The following WWC1 variants were observed in gnomAD, a reference collection of about 807,000 sequenced individuals.
WWC1 encodes the protein protein KIBRA.
In WWC1, 55 loss-of-function variants were observed where a neutral mutation model predicts 138.4. That is an observed-to-expected ratio of 0.40 (90% confidence interval 0.32 to 0.50). The LOEUF (loss-of-function observed/expected upper bound fraction) is 0.50. Among genes scored for constraint, WWC1 ranks in the 20% least tolerant of loss-of-function variants. The probability of loss-of-function intolerance (pLI) is 0.72; values close to 1 mark genes in which losing one functional copy is unlikely to be tolerated. For missense variants in WWC1, 1,226 were observed against 1,420.4 expected (o/e 0.86, Z 2.20); for synonymous variants, 524 against 564.9 (o/e 0.93, Z 1.03).
intron 1 of WWC1, among the ~76,000 whole-genome samples, chr5:168,360,854 G>A (rs1775829857): frequency 6.6e-6 from 1 of 152,252 alleles, no homozygotes; most frequent in Admixed American, 6.5e-5. Context: ...AGGAGCAGAA[G>A]ATTCTGGAAT....
intron 2 of WWC1, among the ~76,000 whole-genome samples, chr5:168,383,596 G>T (rs1016686777): frequency 6.6e-6 from 1 of 152,174 alleles, no homozygotes; most frequent in South Asian, 2.1e-4. Context: ...TGACAGATGG[G>T]GTGCTGGGAT....
chr5:168,321,275 AG>A lies in WWC1; in HGVS notation c.119+29006del, dbSNP rs1772056635. On this transcript the variant is annotated intron_variant, in intron 1 of 22. Coordinates refer to ENST00000265293, the MANE Select transcript of WWC1 (RefSeq NM_015238.3). ...TTTCCAACTTGGTCTGGGAAGAACC[AG>A]GTTCTTTTTCTAGAGGAGATGCCAT... Among the ~76,000 whole-genome samples the A allele has an allele frequency of 1.3e-5, 2 of 152,150 alleles. 1 individual carries two copies. The highest frequency in any genetic ancestry group is 4.2e-4 in the South Asian group (2 of 4,818).
intron 1 of WWC1, among the ~76,000 whole-genome samples, chr5:168,334,248 A>AC (rs1436187865): frequency 1.3e-5 from 2 of 149,672 alleles, no homozygotes; most frequent in Non-Finnish European, 3.0e-5. Context: ...AACAACAACA[A>AC]AAAACTCTTC....
Position 168,291,933 on chromosome 5 carries a change from C to T in WWC1, c.-220C>T. The T allele has an allele frequency of 3.5e-6, 1 of 283,146 alleles. No homozygotes were observed. The highest frequency in any genetic ancestry group is 6.3e-6 in the Non-Finnish European group (1 of 159,898). 17.5% of individuals were successfully genotyped at this position (283,146 alleles called of 1,614,324 possible). On this transcript the variant is annotated 5_prime_UTR_variant, in exon 1 of 23. Coordinates refer to ENST00000265293, the MANE Select transcript of WWC1 (RefSeq NM_015238.3). ...GGACGCACATGGCAGCGTGAGAGGC[C>T]GGCGGCGGGAGGAGCGGGCGGCGCC...
At chr5:168,440,508 T>TTGTTG (rs1206165381) in intron 15 of WWC1, among the ~76,000 whole-genome samples, 2 of 151,598 alleles carry the variant, frequency 1.3e-5, no homozygotes, top group East Asian at 3.9e-4. Context: ...GTTGTTGTTG[T>TTGTTG]TGTTGTTTTG....
chr5:168,373,719 TA>T (rs368930085), intron 2 of WWC1, among the ~76,000 whole-genome samples: 355 of 52,596 alleles, frequency 6.7e-3, no homozygotes, highest in Middle Eastern at 0.021. Context: ...CCTTGTCTCT[TA>T]AAAAAAAAAA....
At chr5:168,305,884 G>GT (rs1181850854) in intron 1 of WWC1, among the ~76,000 whole-genome samples, 1 of 152,168 alleles carries the variant, frequency 6.6e-6, no homozygotes, top group Non-Finnish European at 1.5e-5. Flanking sequence ...TTAATTCTAG[G>GT]TTGCAGCCAG....
intron 11 of WWC1, among the ~76,000 whole-genome samples, chr5:168,426,248 A>C (rs1484347079): frequency 6.6e-6 from 1 of 152,174 alleles, no homozygotes; most frequent in Non-Finnish European, 1.5e-5. Context: ...CTACTATAGC[A>C]GGTGGCAAGC....
At chr5:168,363,387 G>T (rs1475648416) in intron 1 of WWC1, among the ~76,000 whole-genome samples, 2 of 151,858 alleles carry the variant, frequency 1.3e-5, no homozygotes, top group African/African-American at 4.8e-5. Flanking sequence ...AGCCCGGCAT[G>T]GTGGCGGGCA....
At chr5:168,464,675 T>C in intron 20 of WWC1, 54 bp from the exon 21 acceptor site, 1 of 1,602,982 alleles carries the variant, frequency 6.2e-7, no homozygotes, top group Non-Finnish European at 8.5e-7. Flanking sequence ...AGAGGCTGGG[T>C]GGGCTCACTG....
intron 1 of WWC1, among the ~76,000 whole-genome samples, chr5:168,296,668 T>A (rs939523991): frequency 1.3e-5 from 2 of 152,160 alleles, no homozygotes; most frequent in Non-Finnish European, 2.9e-5. Context: ...TTACATAGGT[T>A]ATCTCTTTAA....
rs116010648 is a variant in WWC1 at position 168,428,133 on chromosome 5, C to T, written c.1911C>T (p.Ser637=). 4.7e-3 allele frequency: 7,507 copies of T among 1,612,876 alleles called. 26 individuals carry two copies. The highest frequency in any genetic ancestry group is 5.9e-3 in the Non-Finnish European group (6,973 of 1,179,304). The part of the protein sequence containing the change: ...VAGDSGVYEA[S]VQRLGASEAA... ...GAGACAGTGGTGTGTACGAGGCTTCCGTGCAGAGGTAGGTGTCTGGGTGCT... is the reference window on the plus strand; with the variant it reads ...GAGACAGTGGTGTGTACGAGGCTTCTGTGCAGAGGTAGGTGTCTGGGTGCT... The change falls in exon 12 of 23, where the codon TCC becomes TCT. Residue 637 remains serine, a synonymous_variant. Coordinates refer to ENST00000265293, the MANE Select transcript of WWC1 (RefSeq NM_015238.3).
At chr5:168,387,910 C>T (rs1011104211) in intron 3 of WWC1, among the ~76,000 whole-genome samples, 1 of 108,504 alleles carries the variant, frequency 9.2e-6, no homozygotes, top group Non-Finnish European at 2.1e-5. Context: ...AAAGTGATTT[C>T]TCTCTCTCTC....
rs1391504979 is a variant in WWC1, at chr5:168,292,140, A to T, written c.-13A>T. 6.5e-7 allele frequency: 1 copy of T among 1,533,118 alleles called. No individual in the cohort carries two copies. Among genetic ancestry groups the T allele is most frequent in the East Asian group, 2.6e-5 (1 of 38,880 alleles). The allele number at this position is 1,533,118 out of a possible 1,614,324, so 95.0% of individuals were successfully genotyped here. A position where few individuals can be genotyped will look rare whatever the true frequency, so the allele number is the denominator to read the frequency against. Reference sequence around the variant, plus strand: ...GGGAGCTGCATGGGGGAGCGCCGGCAGCGCTTGGGAAGATGCCCCGGCCGG... The same window carrying T: ...GGGAGCTGCATGGGGGAGCGCCGGCTGCGCTTGGGAAGATGCCCCGGCCGG... On this transcript the variant is annotated 5_prime_UTR_variant, in exon 1 of 23. Transcript: ENST00000265293. The surrounding 1 kb of genome is among the most constrained non-coding windows in gnomAD (Gnocchi z 4.4).
At chr5:168,457,096 A>G (rs1756397716) in intron 19 of WWC1, among the ~76,000 whole-genome samples, 1 of 149,632 alleles carries the variant, frequency 6.7e-6, no homozygotes, top group African/African-American at 2.5e-5. Flanking sequence ...ACAAATTAAG[A>G]GATTCCCAGC....
chr5:168,295,484 G>A (rs1022268321), intron 1 of WWC1, among the ~76,000 whole-genome samples: 7 of 13,018 alleles, frequency 5.4e-4, no homozygotes, highest in Non-Finnish European at 9.3e-4. Context: ...TTTCTACTCC[G>A]TGTGTGTGTG....
At chr5:168,423,172 A>AAAAAAC (rs397999867) in intron 10 of WWC1, among the ~76,000 whole-genome samples, 1 of 145,268 alleles carries the variant, frequency 6.9e-6, no homozygotes, top group Non-Finnish European at 1.5e-5. Flanking sequence ...AAAAAAAAAA[A>AAAAAAC]CACAGTGAGT....
At chr5:168,361,621 G>T (rs117085015) in intron 1 of WWC1, among the ~76,000 whole-genome samples, 2 of 152,334 alleles carry the variant, frequency 1.3e-5, no homozygotes, top group East Asian at 3.9e-4. Context: ...ATTATGTGAT[G>T]CAGGGCTGGA....
intron 1 of WWC1, among the ~76,000 whole-genome samples, chr5:168,334,766 G>A (rs1195947102): frequency 6.6e-6 from 1 of 152,230 alleles, no homozygotes; most frequent in Non-Finnish European, 1.5e-5. Context: ...CTCCTGCTAA[G>A]CAGCAATGCT....
Sources: gnomAD v4.1 joint callset for allele counts (sites outside exome capture counted in the v4.1 genomes callset) on GRCh38, gnomAD v4.1.1 for gene constraint, Gnocchi (gnomAD v3.1) non-coding constraint, MANE v1.5 for transcripts, NCBI Gene and HGNC (gene_info 2026-07-23, HGNC 2026-07-21) for gene names.